Variants in SDR16C5 observed in about 807,000 individuals in gnomAD.
The protein encoded by SDR16C5 is epidermal retinol dehydrogenase 2.
In SDR16C5, 20 loss-of-function variants were observed where a neutral mutation model predicts 27.7. That is an observed-to-expected ratio of 0.72 (90% CI 0.51 to 1.05). The LOEUF (loss-of-function observed/expected upper bound fraction) is 1.05. SDR16C5 is among the 50% of genes least tolerant of loss of function. SDR16C5 has a pLI of 0.00. For synonymous variants in SDR16C5, 139 were observed against 132.3 expected (o/e 1.05, Z -0.35); for missense variants, 374 against 366.3 (o/e 1.02, Z -0.17).
chr8:56,301,704 A>G, intron 6 of SDR16C5, 131 bp from the exon 7 acceptor site: 2 of 652,264 alleles, frequency 3.1e-6, no homozygotes, highest in Non-Finnish European at 5.4e-6. Context: ...ATGCAGCCTG[A>G]GTGCTACCCG....
Position 56,310,131 on chromosome 8 carries a change from GGAGGGA to G in SDR16C5, c.466-1110_466-1105del, listed in dbSNP as rs1278033264. Among the ~76,000 whole-genome samples, 36 of 85,650 alleles carry G rather than the reference GGAGGGA, an allele frequency of 4.2e-4. 3 individuals carry two copies. Among genetic ancestry groups the G allele is most frequent in the Non-Finnish European group, 6.3e-4 (28 of 44,572 alleles). 56.2% of individuals were successfully genotyped at this position (85,650 alleles called of 152,430 possible). On this transcript the variant is annotated intron_variant, in intron 3 of 6. Coordinates refer to ENST00000303749, the MANE Select transcript of SDR16C5 (RefSeq NM_138969.4). ...GGAGGAGGAGAAGGAAGGAGGAGGAGGAGGGAGGAGGAGGAGGAGGAAGGAGGAGGA... is the reference window on the plus strand; with the variant it reads ...GGAGGAGGAGAAGGAAGGAGGAGGAGGGAGGAGGAGGAGGAAGGAGGAGGA...
intron 6 of SDR16C5, among the ~76,000 whole-genome samples, chr8:56,302,845 A>T (rs1292821436): frequency 6.6e-6 from 1 of 151,008 alleles, no homozygotes; most frequent in Non-Finnish European, 1.5e-5. Context: ...AGCTGTGCAT[A>T]ATGGTGCACA....
chr8:56,316,769 C>T (rs1013561370), intron 1 of SDR16C5, among the ~76,000 whole-genome samples: 1 of 152,228 alleles, frequency 6.6e-6, no homozygotes, highest in Non-Finnish European at 1.5e-5. Context: ...ATGTTTATAA[C>T]ATCATTACTA....
rs1228409943 is a variant in SDR16C5, at chr8:56,316,033, C to T, written c.315G>A (p.Val105=). ...GAGTTACCTGGTCGGCTACTCTATA[C>T]ACTCCTTCCTTTTGGCTGCAATCGC... ...YTCDCSQKEG[V]YRVADQVKKE... is the part of the protein sequence containing the mutation. Residue 105 remains valine, a synonymous_variant, in exon 2 of 7, where the codon GTG becomes GTA. Coordinates refer to ENST00000303749, the MANE Select transcript of SDR16C5 (RefSeq NM_138969.4). The T allele has an allele frequency of 6.2e-7, 1 of 1,613,362 alleles. No homozygotes were observed. The highest frequency in any genetic ancestry group is 8.5e-7 in the Non-Finnish European group (1 of 1,179,436).
intron 2 of SDR16C5, among the ~76,000 whole-genome samples, chr8:56,313,979 C>A (rs757073938): frequency 6.6e-6 from 1 of 152,002 alleles, no homozygotes; most frequent in African/African-American, 2.4e-5. Context: ...GAGGCCGAGG[C>A]GGGTGGATAA....
intron 6 of SDR16C5, among the ~76,000 whole-genome samples, chr8:56,304,663 T>G (rs1407483049): frequency 6.6e-6 from 1 of 152,032 alleles, no homozygotes; most frequent in African/African-American, 2.4e-5. Flanking sequence ...CTCAGCCTCC[T>G]GGGTAGCTGG....
At position 56,312,320 on chromosome 8, in the gene SDR16C5, A is replaced by G. The variant is rs767006689; in HGVS notation, c.334-32T>C. The G allele has an allele frequency of 2.5e-6, 4 of 1,597,526 alleles. No homozygotes were observed. The Admixed American group carries it at 5.0e-5, about 20-fold the overall frequency. On this transcript the variant is annotated intron_variant, in intron 2 of 6. Coordinates refer to ENST00000303749, the MANE Select transcript of SDR16C5 (RefSeq NM_138969.4). Reference sequence around the variant, plus strand: ...TGAATAAGAGCAACACCACCAATGTAGTAATTCCTTACATGGGCTAGGTTT... The same window carrying G: ...TGAATAAGAGCAACACCACCAATGTGGTAATTCCTTACATGGGCTAGGTTT...
intron 5 of SDR16C5, 133 bp from the exon 6 acceptor site, chr8:56,305,855 T>C: frequency 1.1e-6 from 1 of 905,028 alleles, no homozygotes; most frequent in Non-Finnish European, 1.6e-6. Flanking sequence ...TTTCATTTAT[T>C]TTTATATTTA....
chr8:56,317,574 G>C (rs1292252391), intron 1 of SDR16C5, among the ~76,000 whole-genome samples: 1 of 152,106 alleles, frequency 6.6e-6, no homozygotes, highest in African/African-American at 2.4e-5. Flanking sequence ...AGACAGGAGG[G>C]GAGTAATGAA....
At position 56,306,760 on chromosome 8, in the gene SDR16C5, A is replaced by T. The variant is rs778166722; in HGVS notation, c.626T>A (p.Phe209Tyr). Reference sequence around the variant, plus strand: ...TTTGATCCCCTTTTGTTTTTGGACAAATGTTTCTACAAATACAGATTCAGC... The same window carrying T: ...TTTGATCCCCTTTTGTTTTTGGACATATGTTTCTACAAATACAGATTCAGC... ...GFAESVFVET[F>Y]VQKQKGIKTT... The change falls in exon 5 of 7, where the codon TTT (phenylalanine) becomes TAT (tyrosine). Residue 209 changes from phenylalanine to tyrosine, a missense_variant. Physicochemically the swap from Phe to Tyr is conservative, Grantham distance 22. Transcript: ENST00000303749. 3.1e-6 allele frequency: 5 copies of T among 1,613,454 alleles called. No individual in the cohort carries two copies. The highest frequency in any genetic ancestry group is 4.2e-6 in the Non-Finnish European group (5 of 1,179,916).
At chr8:56,305,029 C>T (rs1341310245) in intron 6 of SDR16C5, among the ~76,000 whole-genome samples, 2 of 152,192 alleles carry the variant, frequency 1.3e-5, no homozygotes, top group East Asian at 3.8e-4. Context: ...ACCTTGGACT[C>T]CCAAAGTGCT....
chr8:56,315,055 C>T (rs1474519668), intron 2 of SDR16C5, among the ~76,000 whole-genome samples: 1 of 151,960 alleles, frequency 6.6e-6, no homozygotes, highest in Non-Finnish European at 1.5e-5. Context: ...CCAGCCTGAC[C>T]AACATGGAGA....
Position 56,316,310 on chromosome 8 carries a change from A to C in SDR16C5, c.38T>G (p.Ile13Ser). Reference protein sequence around the residue: ...FNLQSSKKLFIFLGKSLFSLL... With the variant: ...FNLQSSKKLFSFLGKSLFSLL... ...ACTAAACAGTGATTTTCCTAAGAAA[A>C]TGAACAGTTTCTTTGATGATTGCAG... The change falls in exon 2 of 7, where the codon ATT (isoleucine) becomes AGT (serine). Residue 13 changes from isoleucine (I) to serine (S), a missense_variant. Transcript: ENST00000303749. 4 of 1,614,018 alleles carry C rather than the reference A, an allele frequency of 2.5e-6. No homozygotes were observed. In the South Asian group the frequency reaches 4.4e-5, roughly 18 times the overall value.
chr8:56,319,689 C>A (rs1815285032), intron 1 of SDR16C5, among the ~76,000 whole-genome samples: 11 of 152,100 alleles, frequency 7.2e-5, no homozygotes. Flanking sequence ...GATATCCACC[C>A]GGAAGGTGGA....
In SDR16C5 at chr8:56,300,645, C is replaced by G. The variant is rs1364441018; in HGVS notation, c.*835G>C. On this transcript the variant is annotated 3_prime_UTR_variant, in exon 7 of 7. Coordinates refer to ENST00000303749, the MANE Select transcript of SDR16C5 (RefSeq NM_138969.4). ...TGCAGGAAAATGCCTCAACCTGAAT[C>G]CCAACTTGAAATACTAAGTTGAACA... The G allele has an allele frequency of 6.6e-6, 1 of 152,194 alleles. No homozygotes were observed. The highest frequency in any genetic ancestry group is 1.5e-5 in the Non-Finnish European group (1 of 68,042). The allele number at this position is 152,194 out of a possible 1,614,324, so 9.4% of individuals were successfully genotyped here. A position where few individuals can be genotyped will look rare whatever the true frequency, so the allele number is the denominator to read the frequency against.
At chr8:56,317,649 T>C (rs776461318) in intron 1 of SDR16C5, among the ~76,000 whole-genome samples, 2 of 152,188 alleles carry the variant, frequency 1.3e-5, no homozygotes, top group African/African-American at 2.4e-5. Context: ...TAAGGGTGGA[T>C]AGATTCATCT....
intron 6 of SDR16C5, among the ~76,000 whole-genome samples, chr8:56,304,709 T>A (rs1814840024): frequency 6.6e-6 from 1 of 151,934 alleles, no homozygotes; most frequent in Admixed American, 6.6e-5. Flanking sequence ...CGTTTTTTAT[T>A]TTTTAAGAGA....
intron 3 of SDR16C5, among the ~76,000 whole-genome samples, chr8:56,310,520 C>G (rs192178601): frequency 2.6e-5 from 4 of 151,712 alleles, no homozygotes; most frequent in Non-Finnish European, 4.4e-5. Flanking sequence ...GAGATGGAGA[C>G]CAGCCTGGCC....
chr8:56,301,285 C>A lies in SDR16C5; in HGVS notation c.*195G>T. ...GGAAAAAAAAAGAAAAAGAAAAAAC[C>A]AAAACTCAACCAAATAGGTGATAGC... On this transcript the variant is annotated 3_prime_UTR_variant, in exon 7 of 7. Coordinates refer to ENST00000303749, the MANE Select transcript of SDR16C5 (RefSeq NM_138969.4). The A allele has an allele frequency of 1.5e-5, 7 of 473,456 alleles. No individual in the cohort carries two copies. Among genetic ancestry groups the A allele is most frequent in the South Asian group, 4.3e-5 (1 of 23,326 alleles). The allele number at this position is 473,456 out of a possible 1,614,324, so 29.3% of individuals were successfully genotyped here.
Sources: gnomAD v4.1 joint callset for allele counts (sites outside exome capture counted in the v4.1 genomes callset) on GRCh38, gnomAD v4.1.1 for gene constraint, MANE v1.5 for transcripts, NCBI Gene and HGNC (gene_info 2026-07-23, HGNC 2026-07-21) for gene names.